Variants in DLG2 observed in about 807,000 individuals in gnomAD.
The protein encoded by DLG2 is discs large MAGUK scaffold protein 2.
Under a neutral mutation model 132.5 loss-of-function variants are expected in DLG2, and 45 were observed. The observed-to-expected ratio is 0.34, with a 90% confidence interval of 0.27 to 0.44. The LOEUF (loss-of-function observed/expected upper bound fraction) is 0.44, where lower values mean the gene tolerates loss of function less well. Ranked by LOEUF, DLG2 falls within the 20% of genes least tolerant of loss-of-function variation. The pLI, the probability that DLG2 is intolerant of heterozygous loss-of-function variation, is 1.00. For missense variants in DLG2, 1,045 were observed against 1,196.9 expected, an observed-to-expected ratio of 0.87 and a Z score of 1.87; for synonymous variants, 424 against 419.6, an observed-to-expected ratio of 1.01 and a Z score of -0.13.
At chr11:83,703,619 A>C (rs544858626) in intron 18 of DLG2, among the ~76,000 whole-genome samples, 1 of 152,348 alleles carries the variant, frequency 6.6e-6, no homozygotes, top group East Asian at 1.9e-4. Flanking sequence ...ACTGCACTCC[A>C]GCCTGGGCAA....
chr11:84,951,830 C>A lies in DLG2; in HGVS notation c.357+159831G>T, dbSNP rs1016957081. Among the ~76,000 whole-genome samples, 3 of 151,936 alleles carry A rather than the reference C, an allele frequency of 2.0e-5. No individual in the cohort carries two copies. In the East Asian group the frequency reaches 5.8e-4, roughly 29 times the overall value. On this transcript the variant is annotated intron_variant, in intron 6 of 27. Coordinates refer to ENST00000376104, the MANE Select transcript of DLG2 (RefSeq NM_001142699.3). Reference sequence around the variant, plus strand: ...AAAGAATGTATAAACATATGCAGATCATTCTGAAATATATATAGGCATTAA... The same window carrying A: ...AAAGAATGTATAAACATATGCAGATAATTCTGAAATATATATAGGCATTAA...
At chr11:85,064,131 C>T (rs1252382265) in intron 6 of DLG2, among the ~76,000 whole-genome samples, 2 of 151,818 alleles carry the variant, frequency 1.3e-5, no homozygotes, top group African/African-American at 4.8e-5. Flanking sequence ...ATCCAAGAAG[C>T]AGGAATACAT....
chr11:85,479,000 A>C (rs1465136152), intron 3 of DLG2, among the ~76,000 whole-genome samples: 1 of 152,224 alleles, frequency 6.6e-6, no homozygotes, highest in Non-Finnish European at 1.5e-5. Flanking sequence ...TAGAAAGCAT[A>C]AACAATGAAG....
At chr11:85,018,473 T>C (rs963999103) in intron 6 of DLG2, among the ~76,000 whole-genome samples, 2 of 152,192 alleles carry the variant, frequency 1.3e-5, no homozygotes, top group South Asian at 2.1e-4. Context: ...AATGGAAAGA[T>C]ACATATGTCA....
At chr11:85,506,097 G>T (rs1385607440) in intron 3 of DLG2, among the ~76,000 whole-genome samples, 1 of 152,072 alleles carries the variant, frequency 6.6e-6, no homozygotes, top group African/African-American at 2.4e-5. Flanking sequence ...GTGTCTATTT[G>T]ATTTTTCTCT....
chr11:84,385,009 T>C (rs751738194), intron 7 of DLG2, among the ~76,000 whole-genome samples: 3 of 152,062 alleles, frequency 2.0e-5, no homozygotes, highest in Non-Finnish European at 4.4e-5. Flanking sequence ...AAAAAGGAGA[T>C]GACAAGATAT....
rs868206516 is a variant in DLG2 at position 85,484,826 on chromosome 11, A to G, written c.40+113831T>C. Among the ~76,000 whole-genome samples, 139 of 150,068 alleles carry G rather than the reference A, an allele frequency of 9.3e-4. 2 individuals carry two copies. The Middle Eastern group carries it at 0.014, about 15-fold the overall frequency. On this transcript the variant is annotated intron_variant, in intron 3 of 27. Transcript: ENST00000376104. ...TCAGGGATCTAGAACTAGAAATACC[A>G]TTTGACCCAGCCATCCCATTACTGG...
chr11:83,561,832 A>G (rs1363192803), intron 19 of DLG2, among the ~76,000 whole-genome samples: 2 of 143,140 alleles, frequency 1.4e-5, no homozygotes, highest in African/African-American at 5.2e-5. Flanking sequence ...GGAACATAAT[A>G]TTTTTCTAAC....
At chr11:83,846,829 A>T (rs1418051252) in intron 16 of DLG2, among the ~76,000 whole-genome samples, 1 of 151,984 alleles carries the variant, frequency 6.6e-6, no homozygotes, top group Non-Finnish European at 1.5e-5. Context: ...GTTCCACCTC[A>T]ATTTGTTTTT....
At chr11:84,934,368 C>G (rs60077645) in intron 6 of DLG2, among the ~76,000 whole-genome samples, 5,465 of 151,692 alleles carry the variant, frequency 0.036, 132 homozygotes, top group East Asian at 0.1. Flanking sequence ...GTTTGGGTAT[C>G]AGAATGATAC....
intron 6 of DLG2, among the ~76,000 whole-genome samples, chr11:84,795,272 A>C (rs774587317): frequency 2.7e-4 from 41 of 151,762 alleles, no homozygotes; most frequent in Non-Finnish European, 5.3e-4. Context: ...CTCTGCCTGC[A>C]GAGAGGAGCT....
At chr11:84,855,943 G>A (rs1015555841) in intron 6 of DLG2, among the ~76,000 whole-genome samples, 27 of 151,928 alleles carry the variant, frequency 1.8e-4, no homozygotes, top group Non-Finnish European at 3.7e-4. Context: ...AGAGGCTAGC[G>A]ATCATCTATC....
chr11:84,047,868 T>C (rs2096272920), intron 11 of DLG2, among the ~76,000 whole-genome samples: 1 of 151,764 alleles, frequency 6.6e-6, no homozygotes, highest in Non-Finnish European at 1.5e-5. Flanking sequence ...AATTCTCTCA[T>C]AATGTTGTAT....
chr11:84,668,522 G>A (rs1204309132), intron 6 of DLG2, among the ~76,000 whole-genome samples: 1 of 152,114 alleles, frequency 6.6e-6, no homozygotes, highest in Non-Finnish European at 1.5e-5. Context: ...AATTGAAACG[G>A]TTTAAGTACT....
intron 12 of DLG2, among the ~76,000 whole-genome samples, chr11:83,970,140 A>G (rs773677315): frequency 1.3e-5 from 2 of 152,226 alleles, no homozygotes; most frequent in Non-Finnish European, 2.9e-5. Context: ...TCTGTTTCTG[A>G]CAAGGGCTCA....
intron 15 of DLG2, among the ~76,000 whole-genome samples, chr11:83,923,020 C>A (rs543166015): frequency 2.6e-5 from 4 of 151,966 alleles, no homozygotes; most frequent in African/African-American, 7.2e-5. Context: ...TTACAGGGAG[C>A]CTATAAACGT....
intron 5 of DLG2, among the ~76,000 whole-genome samples, chr11:85,113,416 G>A (rs569230362): frequency 2.0e-5 from 3 of 151,938 alleles, no homozygotes; most frequent in Admixed American, 2.0e-4. Flanking sequence ...CTCAGCATGG[G>A]ATAAAGAAAG....
At chr11:84,069,868 C>G (rs1391992003) in intron 10 of DLG2, among the ~76,000 whole-genome samples, 1 of 152,148 alleles carries the variant, frequency 6.6e-6, no homozygotes, top group Non-Finnish European at 1.5e-5. Context: ...ATAGAAATTC[C>G]AAAGTGAGAG....
Position 85,510,982 on chromosome 11 carries a change from T to A in DLG2, c.40+87675A>T, listed in dbSNP as rs1179620971. Among the ~76,000 whole-genome samples, 9 of 151,898 alleles carry A rather than the reference T, an allele frequency of 5.9e-5. No individual in the cohort carries two copies. In the South Asian group the frequency reaches 6.2e-4, roughly 10 times the overall value. On this transcript the variant is annotated intron_variant, in intron 3 of 27. Coordinates refer to ENST00000376104, the MANE Select transcript of DLG2 (RefSeq NM_001142699.3). ...GACTTGGAACCAACCCAAGTGTCCA[T>A]CAATGATAGACTGGATTAAGAAAAT...
Sources: allele counts gnomAD v4.1 joint callset (sites outside exome capture counted in the v4.1 genomes callset), GRCh38; gene constraint gnomAD v4.1.1; transcripts MANE v1.5; gene names NCBI Gene and HGNC (gene_info 2026-07-23, HGNC 2026-07-21).